The following MSRA variants were observed in gnomAD, a reference collection of about 807,000 sequenced individuals.
MSRA encodes the protein mitochondrial peptide methionine sulfoxide reductase.
A neutral mutation model predicts 31.3 loss-of-function variants in MSRA; 54 were observed. The ratio of observed to expected loss-of-function variants is 1.73; its 90% confidence interval spans 1.39 to 2.17. The LOEUF is 2.17. Ranked by LOEUF, MSRA falls within the 30% of genes most tolerant of loss-of-function variation. MSRA has a pLI of 0.00. For missense variants in MSRA, 507 were observed against 300.9 expected, an observed-to-expected ratio of 1.69 and a Z score of -5.07; for synonymous variants, 169 against 116.5, an observed-to-expected ratio of 1.45 and a Z score of -2.90.
chr8:10,088,761 G>C (rs1320801031), intron 1 of MSRA, among the ~76,000 whole-genome samples: 1 of 152,064 alleles, frequency 6.6e-6, no homozygotes, highest in East Asian at 1.9e-4. Flanking sequence ...ATCAAGGGAG[G>C]AATAAGGACC....
chr8:10,062,588 C>T (rs1797261053), intron 1 of MSRA, among the ~76,000 whole-genome samples: 1 of 152,170 alleles, frequency 6.6e-6, no homozygotes, highest in South Asian at 2.1e-4. Context: ...CAGTATCATG[C>T]CAACAGACAC....
At chr8:10,335,262 T>G (rs555612813) in intron 5 of MSRA, among the ~76,000 whole-genome samples, 6 of 148,354 alleles carry the variant, frequency 4.0e-5, no homozygotes, top group East Asian at 2.0e-4. Flanking sequence ...TTTTTTTTTT[T>G]TTTTTTTTTT....
chr8:10,082,768 G>A (rs1798359231), intron 1 of MSRA, among the ~76,000 whole-genome samples: 1 of 152,146 alleles, frequency 6.6e-6, no homozygotes, highest in Admixed American at 6.5e-5. Context: ...ACGGTTGTGT[G>A]GTTGTGTTTT....
chr8:10,399,384 G>T (rs1807300878), intron 5 of MSRA, among the ~76,000 whole-genome samples: 1 of 152,202 alleles, frequency 6.6e-6, no homozygotes, highest in Non-Finnish European at 1.5e-5. Context: ...CCAGGTATAG[G>T]ATCAGGGGAC....
chr8:10,126,425 C>G (rs1271307394), intron 1 of MSRA, among the ~76,000 whole-genome samples: 2 of 152,182 alleles, frequency 1.3e-5, no homozygotes, highest in East Asian at 1.9e-4. Flanking sequence ...TCATGGAAGA[C>G]AGTTTTTCCA....
intron 1 of MSRA, among the ~76,000 whole-genome samples, chr8:10,167,194 G>A (rs1805210032): frequency 6.6e-6 from 1 of 152,152 alleles, no homozygotes; most frequent in South Asian, 2.1e-4. Context: ...CTTGACTAAC[G>A]TGGCCGGGCT....
intron 5 of MSRA, among the ~76,000 whole-genome samples, chr8:10,358,249 C>A (rs1197534880): frequency 6.6e-6 from 1 of 152,090 alleles, no homozygotes; most frequent in Non-Finnish European, 1.5e-5. Context: ...CCACTCCTGG[C>A]AAATCTTGGT....
At chr8:10,315,720 T>C (rs1221395120) in intron 4 of MSRA, among the ~76,000 whole-genome samples, 3 of 152,346 alleles carry the variant, frequency 2.0e-5, no homozygotes, top group African/African-American at 7.2e-5. Context: ...GCTGTAAAAC[T>C]TTAAGATTTG....
At chr8:10,195,474 C>A (rs553526303) in intron 1 of MSRA, among the ~76,000 whole-genome samples, 2 of 152,318 alleles carry the variant, frequency 1.3e-5, no homozygotes, top group African/African-American at 4.8e-5. Context: ...TTCCTCAGCT[C>A]AGGCAATTTG....
intron 4 of MSRA, among the ~76,000 whole-genome samples, chr8:10,317,591 A>C (rs1295421431): frequency 6.6e-6 from 1 of 152,220 alleles, no homozygotes; most frequent in East Asian, 1.9e-4. Context: ...CCCAAAGCCC[A>C]GTCCTCATTA....
intron 5 of MSRA, among the ~76,000 whole-genome samples, chr8:10,349,378 C>G (rs1803983874): frequency 6.6e-6 from 1 of 152,124 alleles, no homozygotes; most frequent in South Asian, 2.1e-4. Context: ...CATCCTCGGC[C>G]TGCACACGTA....
intron 1 of MSRA, among the ~76,000 whole-genome samples, chr8:10,132,247 TC>T (rs1202542198): frequency 1.3e-5 from 2 of 152,234 alleles, no homozygotes; most frequent in African/African-American, 4.8e-5. Context: ...GTTTGGACTT[TC>T]AGATGACTTA....
intron 5 of MSRA, among the ~76,000 whole-genome samples, chr8:10,422,227 C>A (rs1008666377): frequency 6.6e-6 from 1 of 152,144 alleles, no homozygotes; most frequent in Non-Finnish European, 1.5e-5. Context: ...TAGGGCCTGC[C>A]ATCAACCATG....
At chr8:10,196,626 C>T (rs1364556613) in intron 1 of MSRA, among the ~76,000 whole-genome samples, 7 of 152,120 alleles carry the variant, frequency 4.6e-5, no homozygotes, top group Admixed American at 2.6e-4. Flanking sequence ...CTCGACTCAT[C>T]GCAACCTCTG....
chr8:10,190,470 A>T (rs1807417323), intron 1 of MSRA, among the ~76,000 whole-genome samples: 1 of 152,164 alleles, frequency 6.6e-6, no homozygotes. Context: ...CCAGAGGGTG[A>T]TGTTGCCTGT....
At chr8:10,186,408 T>A (rs1036298232) in intron 1 of MSRA, among the ~76,000 whole-genome samples, 3 of 152,240 alleles carry the variant, frequency 2.0e-5, no homozygotes, top group African/African-American at 7.2e-5. Context: ...CATTAAATTT[T>A]ATTTAATGAC....
At chr8:10,250,375 C>A (rs1247935701) in intron 3 of MSRA, 9 of 699,108 alleles carry the variant, frequency 1.3e-5, no homozygotes, top group East Asian at 2.7e-5. Flanking sequence ...GCAAGAAAAC[C>A]CAGGATGTTC....
At chr8:10,072,012 G>A (rs566975962) in intron 1 of MSRA, among the ~76,000 whole-genome samples, 3 of 152,196 alleles carry the variant, frequency 2.0e-5, no homozygotes, top group Non-Finnish European at 2.9e-5. Flanking sequence ...GTCTGCCTAC[G>A]AGCACCCCTT....
intron 3 of MSRA, among the ~76,000 whole-genome samples, chr8:10,278,928 A>C (rs981162581): frequency 6.6e-6 from 1 of 152,250 alleles, no homozygotes. Flanking sequence ...GGTGGTAGTC[A>C]GGACAGTTCT....
Sources: allele counts gnomAD v4.1 joint callset (sites outside exome capture counted in the v4.1 genomes callset), GRCh38; gene constraint gnomAD v4.1.1; transcripts MANE v1.5; gene names NCBI Gene and HGNC (gene_info 2026-07-23, HGNC 2026-07-21).